ISCA1: variants seen among roughly 807,000 people sequenced by gnomAD.
The protein encoded by ISCA1 is iron-sulfur cluster assembly 1.
In ISCA1, 9 loss-of-function variants were observed where a neutral mutation model predicts 14.7. The ratio of observed to expected loss-of-function variants is 0.61; its 90% CI spans 0.37 to 1.07. The LOEUF is 1.07. Ranked by LOEUF, ISCA1 falls within the 50% of genes least tolerant of loss-of-function variation. The probability of loss-of-function intolerance (pLI) is 0.01; values close to 1 mark genes in which losing one functional copy is unlikely to be tolerated. For synonymous variants in ISCA1, 38 were observed against 54.3 expected (o/e 0.70, Z 1.32); for missense variants, 102 against 150.1 (o/e 0.68, Z 1.67).
At chr9:86,273,285 A>G (rs1360103668) in intron 2 of ISCA1, among the ~76,000 whole-genome samples, 1 of 152,208 alleles carries the variant, frequency 6.6e-6, no homozygotes, top group Non-Finnish European at 1.5e-5. Flanking sequence ...GCAACTAACA[A>G]TGTACAATTA....
intron 1 of ISCA1, among the ~76,000 whole-genome samples, chr9:86,276,178 A>G (rs952090311): frequency 1.6e-4 from 25 of 152,002 alleles, no homozygotes; most frequent in Admixed American, 4.6e-4. Flanking sequence ...ACAGTGACAG[A>G]TCATCAGGCA....
chr9:86,282,167 C>T (rs1570584), intron 1 of ISCA1: 87 of 584,260 alleles, frequency 1.5e-4, no homozygotes, highest in African/African-American at 1.3e-3. Context: ...GTTTCCGGGG[C>T]CAAGAGAGCA....
intron 1 of ISCA1, among the ~76,000 whole-genome samples, chr9:86,274,642 A>T (rs1037061498): frequency 1.3e-5 from 2 of 151,982 alleles, no homozygotes; most frequent in African/African-American, 4.8e-5. Context: ...GGGAAGGCCA[A>T]CCTTCAGGTG....
intron 3 of ISCA1, among the ~76,000 whole-genome samples, chr9:86,268,616 C>T (rs1200257727): frequency 3.9e-5 from 6 of 152,280 alleles, no homozygotes; most frequent in Admixed American, 1.3e-4. Flanking sequence ...CTGACTCACG[C>T]GGACAACTTC....
intron 3 of ISCA1, chr9:86,267,644 A>G (rs1825306218): frequency 1.2e-6 from 1 of 845,314 alleles, no homozygotes; most frequent in African/African-American, 1.8e-5. Flanking sequence ...ATTCCTCAAA[A>G]ACATGAGTTG....
intron 1 of ISCA1, among the ~76,000 whole-genome samples, chr9:86,280,879 G>A (rs1357398488): frequency 6.6e-6 from 1 of 151,898 alleles, no homozygotes; most frequent in Non-Finnish European, 1.5e-5. Context: ...AGTGTGCCAT[G>A]ATTGCACCAC....
At chr9:86,281,068 C>A (rs1337943346) in intron 1 of ISCA1, among the ~76,000 whole-genome samples, 1 of 151,884 alleles carries the variant, frequency 6.6e-6, no homozygotes, top group Non-Finnish European at 1.5e-5. Context: ...CTACCATTAC[C>A]AGTGGAAGAA....
chr9:86,269,542 T>A (rs939056024), intron 3 of ISCA1, among the ~76,000 whole-genome samples: 3 of 151,468 alleles, frequency 2.0e-5, no homozygotes, highest in African/African-American at 7.3e-5. Flanking sequence ...TTCAATGCCA[T>A]CCCCATCAAG....
chr9:86,282,216 CGGAGGCGAA>C (rs989352144), intron 1 of ISCA1, 153 bp downstream of exon 1: 16 of 714,490 alleles, frequency 2.2e-5, no homozygotes, highest in Non-Finnish European at 3.6e-5. Context: ...AAAGAGGGGC[CGGAGGCGAA>C]GGAGGCGGCG....
At chr9:86,268,701 T>G (rs1825324579) in intron 3 of ISCA1, among the ~76,000 whole-genome samples, 1 of 151,870 alleles carries the variant, frequency 6.6e-6, no homozygotes, top group East Asian at 1.9e-4. Context: ...TCTTCTTCCT[T>G]TTTTTTTCTT....
At chr9:86,269,188 C>A (rs1449791963) in intron 3 of ISCA1, among the ~76,000 whole-genome samples, 1 of 152,156 alleles carries the variant, frequency 6.6e-6, no homozygotes, top group Non-Finnish European at 1.5e-5. Context: ...ACACACCCGA[C>A]CACATTTGAT....
intron 3 of ISCA1, among the ~76,000 whole-genome samples, chr9:86,268,011 A>T (rs936536703): frequency 6.6e-6 from 1 of 152,056 alleles, no homozygotes; most frequent in Non-Finnish European, 1.5e-5. Context: ...AATTATGTAC[A>T]CTACATAATA....
intron 1 of ISCA1, among the ~76,000 whole-genome samples, chr9:86,278,890 C>T (rs1284452206): frequency 1.3e-5 from 2 of 152,098 alleles, no homozygotes; most frequent in Admixed American, 6.6e-5. Context: ...CAGCATAAGT[C>T]AAAGAATGAA....
chr9:86,281,709 T>C (rs560666233), intron 1 of ISCA1, among the ~76,000 whole-genome samples: 64 of 152,352 alleles, frequency 4.2e-4, no homozygotes, highest in Admixed American at 5.2e-4. Context: ...CTCTGAGTGT[T>C]TGACCTTTCA....
chr9:86,270,370 A>G (rs927316895), intron 3 of ISCA1, among the ~76,000 whole-genome samples: 3 of 151,776 alleles, frequency 2.0e-5, no homozygotes, highest in Non-Finnish European at 4.4e-5. Flanking sequence ...CATCAGAGAA[A>G]TGCAAATCAA....
chr9:86,273,707 G>T (rs973038631), intron 2 of ISCA1, among the ~76,000 whole-genome samples: 1 of 152,086 alleles, frequency 6.6e-6, no homozygotes, highest in Non-Finnish European at 1.5e-5. Flanking sequence ...AAAGCTTTGT[G>T]GAATCAGGAA....
At chr9:86,268,941 TGTG>T (rs1825328817) in intron 3 of ISCA1, among the ~76,000 whole-genome samples, 1 of 152,242 alleles carries the variant, frequency 6.6e-6, no homozygotes, top group East Asian at 1.9e-4. Flanking sequence ...ACTACAGGCG[TGTG>T]CCACCACACC....
intron 3 of ISCA1, among the ~76,000 whole-genome samples, chr9:86,271,242 T>C (rs190137156): frequency 6.6e-6 from 1 of 152,288 alleles, no homozygotes; most frequent in Non-Finnish European, 1.5e-5. Context: ...ACAGGTTATA[T>C]TATCTAGCTG....
At chr9:86,272,170 T>C in intron 2 of ISCA1, 58 bp from the exon 3 acceptor site, 1 of 1,038,236 alleles carries the variant, frequency 9.6e-7, no homozygotes, top group Middle Eastern at 2.0e-4. Context: ...TAAACAATTA[T>C]ACTAATAAAG....
Sources: gnomAD v4.1 joint callset for allele counts (sites outside exome capture counted in the v4.1 genomes callset) on GRCh38, gnomAD v4.1.1 for gene constraint, MANE v1.5 for transcripts, NCBI Gene and HGNC (gene_info 2026-07-23, HGNC 2026-07-21) for gene names.